Variants in CHM observed in about 807,000 individuals in gnomAD.
CHM encodes the protein CHM Rab escort protein.
CHM carries 10 observed loss-of-function variants against 49.0 expected under a neutral mutation model. The observed-to-expected ratio is 0.20, with a 90% CI of 0.13 to 0.35. The LOEUF (loss-of-function observed/expected upper bound fraction) is 0.35, where lower values mean the gene tolerates loss of function less well. Ranked by LOEUF, CHM falls within the 10% of genes least tolerant of loss-of-function variation. CHM has a pLI of 1.00. For synonymous variants in CHM, 184 were observed against 167.5 expected (o/e 1.10, Z -0.76); for missense variants, 455 against 478.4 (o/e 0.95, Z 0.46).
intron 2 of CHM, among the ~76,000 whole-genome samples, chrX:86,006,781 C>T (rs1398707320): frequency 8.9e-6 from 1 of 112,013 alleles, no homozygotes; most frequent in Non-Finnish European, 1.9e-5. Flanking sequence ...AATGGAAGAA[C>T]ATTCCATTCG....
intron 13 of CHM, 123 bp from the exon 14 acceptor site, chrX:85,873,335 G>T (rs1251081809): frequency 8.3e-6 from 4 of 479,692 alleles, no homozygotes; most frequent in Non-Finnish European, 1.4e-5. Flanking sequence ...AGCTTCGTAT[G>T]TAAACATTTA....
chrX:86,020,654 T>C (rs936718837), intron 2 of CHM, among the ~76,000 whole-genome samples: 3 of 105,767 alleles, frequency 2.8e-5, no homozygotes, highest in African/African-American at 6.8e-5. Context: ...CCGATATATA[T>C]GAAATACATA....
rs763446063 is a variant in CHM, at chrX:85,999,329, C to A, written c.117-17520G>T. ...ATTATTTGGACCCATGACATAAATT[C>A]ACCAAACACTTGGTATAATGAGATT... is the stretch of plus-strand genomic sequence containing the variant. On this transcript the variant is annotated intron_variant, in intron 2 of 14. Transcript: ENST00000357749. Among the ~76,000 whole-genome samples, 3 of 111,431 alleles carry A rather than the reference C, an allele frequency of 2.7e-5. No individual in the cohort carries two copies. In the East Asian group the frequency reaches 8.4e-4, roughly 31 times the overall value.
intron 2 of CHM, among the ~76,000 whole-genome samples, chrX:85,996,725 C>T (rs1422940535): frequency 9.0e-6 from 1 of 111,649 alleles, no homozygotes; most frequent in Non-Finnish European, 1.9e-5. Flanking sequence ...AACTCAAAGT[C>T]ACCCTTCTGC....
intron 8 of CHM, among the ~76,000 whole-genome samples, chrX:85,951,545 T>A (rs1162913818): frequency 9.0e-6 from 1 of 111,171 alleles, no homozygotes; most frequent in Non-Finnish European, 1.9e-5. Context: ...ACAAAATACA[T>A]CCAACACATA....
intron 12 of CHM, 62 bp from the exon 13 acceptor site, chrX:85,879,125 G>A (rs1924604413): frequency 5.1e-6 from 4 of 791,852 alleles, no homozygotes; most frequent in Non-Finnish European, 7.5e-6. Flanking sequence ...TATACTTAAG[G>A]CATTAAGCTG....
intron 2 of CHM, chrX:86,019,506 T>A (rs1395956564): frequency 8.9e-6 from 1 of 111,862 alleles, no homozygotes; most frequent in East Asian, 2.8e-4. Flanking sequence ...AGCTGGTTAT[T>A]TGAAAAGTCT....
chrX:85,915,056 T>C (rs1423622912), intron 8 of CHM, among the ~76,000 whole-genome samples: 2 of 108,173 alleles, frequency 1.8e-5, no homozygotes, highest in Admixed American at 9.9e-5. Flanking sequence ...AAAACCCATA[T>C]AAAAAAAAAC....
chrX:86,009,040 A>G lies in CHM; in HGVS notation c.116+18451T>C, dbSNP rs374975409. Among the ~76,000 whole-genome samples, 3 of 112,343 alleles carry G rather than the reference A, an allele frequency of 2.7e-5. No individual in the cohort carries two copies. In the East Asian group the frequency reaches 8.4e-4, roughly 31 times the overall value. On this transcript the variant is annotated intron_variant, in intron 2 of 14. Transcript: ENST00000357749. ...AAAACTTTCATATACTAATCCTCAT[A>G]GAAATGAACAGTAAGCTTTCTTCAA...
intron 1 of CHM, among the ~76,000 whole-genome samples, chrX:86,040,527 T>C (rs1372864510): frequency 8.9e-6 from 1 of 112,377 alleles, no homozygotes; most frequent in Non-Finnish European, 1.9e-5. Context: ...CAGGAAAATA[T>C]CCTGCTTCAC....
At chrX:86,038,039 G>A (rs764661818) in intron 1 of CHM, among the ~76,000 whole-genome samples, 1 of 111,997 alleles carries the variant, frequency 8.9e-6, no homozygotes, top group Non-Finnish European at 1.9e-5. Context: ...GGGAAATTAT[G>A]TACCTTGGGA....
intron 4 of CHM, chrX:85,968,990 C>T (rs770758906): frequency 2.4e-5 from 10 of 412,527 alleles, no homozygotes; most frequent in East Asian, 4.0e-4. Context: ...TATTTGTATT[C>T]GCTTCATCTA....
intron 11 of CHM, among the ~76,000 whole-genome samples, chrX:85,894,863 G>C (rs747443164): frequency 9.0e-6 from 1 of 111,533 alleles, no homozygotes; most frequent in East Asian, 2.8e-4. Context: ...ACTCATAATG[G>C]CTAAAAACAG....
At chrX:85,904,683 T>A (rs750058848) in intron 9 of CHM, among the ~76,000 whole-genome samples, 9 of 111,856 alleles carry the variant, frequency 8.0e-5, no homozygotes, top group African/African-American at 2.6e-4. Context: ...CTCAAACACA[T>A]TAGTTCAAAT....
intron 8 of CHM, among the ~76,000 whole-genome samples, chrX:85,945,258 G>T (rs1929338611): frequency 9.1e-6 from 1 of 109,676 alleles, no homozygotes; most frequent in Admixed American, 9.8e-5. Context: ...ATTTGTCCCT[G>T]TCGAAATCTC....
At chrX:85,931,880 C>T (rs1928457011) in intron 8 of CHM, among the ~76,000 whole-genome samples, 1 of 112,331 alleles carries the variant, frequency 8.9e-6, no homozygotes. Flanking sequence ...AAGAGGGCAT[C>T]CTGCCAGAGA....
intron 8 of CHM, among the ~76,000 whole-genome samples, chrX:85,915,056 T>TAA (rs892176651): frequency 9.2e-6 from 1 of 108,172 alleles, no homozygotes; most frequent in Non-Finnish European, 1.9e-5. Context: ...AAAACCCATA[T>TAA]AAAAAAAAAC....
intron 5 of CHM, among the ~76,000 whole-genome samples, chrX:85,962,424 C>A (rs1320177616): frequency 8.9e-6 from 1 of 112,169 alleles, no homozygotes; most frequent in Non-Finnish European, 1.9e-5. Context: ...TGCTACATGA[C>A]AGACAGAAAG....
chrX:86,001,043 T>A (rs777994084), intron 2 of CHM, among the ~76,000 whole-genome samples: 1 of 112,293 alleles, frequency 8.9e-6, no homozygotes, highest in South Asian at 3.7e-4. Context: ...ATTTCCCAAT[T>A]AGCTTGACTT....
Sources: gnomAD v4.1 joint callset for allele counts (sites outside exome capture counted in the v4.1 genomes callset) on GRCh38, gnomAD v4.1.1 for gene constraint, MANE v1.5 for transcripts, NCBI Gene and HGNC (gene_info 2026-07-23, HGNC 2026-07-21) for gene names.